Variants in PPP1R9A observed in about 807,000 individuals in gnomAD.
The protein encoded by PPP1R9A is neurabin-1.
Under a neutral mutation model 141.9 loss-of-function variants are expected in PPP1R9A, and 59 were observed. The ratio of observed to expected loss-of-function variants is 0.42; its 90% CI spans 0.34 to 0.52. The LOEUF is 0.52. PPP1R9A is among the 20% of genes least tolerant of loss of function. The probability of loss-of-function intolerance (pLI) is 0.10; values close to 1 mark genes in which losing one functional copy is unlikely to be tolerated. For synonymous variants in PPP1R9A, 500 were observed against 569.7 expected (o/e 0.88, Z 1.74); for missense variants, 1,444 against 1,611.9 (o/e 0.90, Z 1.78).
chr7:94,921,210 G>C (rs1158519003), intron 2 of PPP1R9A, among the ~76,000 whole-genome samples: 1 of 152,084 alleles, frequency 6.6e-6, no homozygotes, highest in East Asian at 1.9e-4. Flanking sequence ...ACTTTGGGAG[G>C]CTGTGGCGGG....
At chr7:95,231,945 T>A (rs1181892114) in intron 8 of PPP1R9A, among the ~76,000 whole-genome samples, 1 of 151,546 alleles carries the variant, frequency 6.6e-6, no homozygotes, top group East Asian at 1.9e-4. Flanking sequence ...ATAAATGAAA[T>A]AAAAAGCTGG....
chr7:95,053,064 T>C (rs1811031215), intron 2 of PPP1R9A, among the ~76,000 whole-genome samples: 1 of 152,168 alleles, frequency 6.6e-6, no homozygotes, highest in African/African-American at 2.4e-5. Flanking sequence ...CATGCTGCCT[T>C]CATGGAGCCT....
intron 2 of PPP1R9A, among the ~76,000 whole-genome samples, chr7:94,937,118 A>G (rs1275773555): frequency 6.6e-6 from 1 of 151,908 alleles, no homozygotes; most frequent in Non-Finnish European, 1.5e-5. Context: ...ATTATTTCCG[A>G]TGTTTTTGCT....
intron 2 of PPP1R9A, among the ~76,000 whole-genome samples, chr7:95,064,183 T>C (rs935464078): frequency 6.6e-6 from 1 of 152,198 alleles, no homozygotes; most frequent in Non-Finnish European, 1.5e-5. Flanking sequence ...ATTAGGTCCC[T>C]GCCAGCCTCT....
At chr7:95,265,475 A>T (rs968879189) in intron 12 of PPP1R9A, among the ~76,000 whole-genome samples, 1 of 152,198 alleles carries the variant, frequency 6.6e-6, no homozygotes, top group Non-Finnish European at 1.5e-5. Context: ...TACATGATGG[A>T]AAAAGATAGC....
At chr7:95,005,864 G>C (rs1192036598) in intron 2 of PPP1R9A, among the ~76,000 whole-genome samples, 2 of 151,852 alleles carry the variant, frequency 1.3e-5, no homozygotes, top group Non-Finnish European at 2.9e-5. Flanking sequence ...AAATTAATTA[G>C]CCTTTCCCTT....
At chr7:95,060,530 T>A (rs1812092805) in intron 2 of PPP1R9A, among the ~76,000 whole-genome samples, 1 of 152,200 alleles carries the variant, frequency 6.6e-6, no homozygotes, top group Admixed American at 6.5e-5. Context: ...TGAGTAGGAC[T>A]GTAAACTGAG....
intron 2 of PPP1R9A, among the ~76,000 whole-genome samples, chr7:94,951,358 G>T (rs1039706140): frequency 4.0e-5 from 6 of 151,736 alleles, no homozygotes; most frequent in Non-Finnish European, 8.8e-5. Context: ...ATGGCATTTG[G>T]TGTTAATTTT....
chr7:95,138,881 G>A (rs551173163), intron 4 of PPP1R9A, among the ~76,000 whole-genome samples: 6 of 152,272 alleles, frequency 3.9e-5, no homozygotes, highest in African/African-American at 9.6e-5. Flanking sequence ...GAAGTGAAAC[G>A]CTCCCTTATG....
intron 2 of PPP1R9A, among the ~76,000 whole-genome samples, chr7:95,084,917 T>TA (rs1816398297): frequency 6.6e-6 from 1 of 151,958 alleles, no homozygotes; most frequent in South Asian, 2.1e-4. Context: ...GAGCAAGTGT[T>TA]TCTCTGTGTT....
intron 4 of PPP1R9A, among the ~76,000 whole-genome samples, chr7:95,133,529 AT>A (rs2152537001): frequency 6.8e-6 from 1 of 147,890 alleles, no homozygotes; most frequent in Admixed American, 6.8e-5. Context: ...ATATATATAT[AT>A]ATATATATAT....
chr7:95,108,367 G>A (rs1296472529), intron 2 of PPP1R9A, among the ~76,000 whole-genome samples: 1 of 125,874 alleles, frequency 7.9e-6, no homozygotes, highest in East Asian at 2.5e-4. Flanking sequence ...AGGCTGGAGT[G>A]CAGTGGCGCG....
At chr7:95,028,591 G>A (rs545258234) in intron 2 of PPP1R9A, among the ~76,000 whole-genome samples, 166 of 152,296 alleles carry the variant, frequency 1.1e-3, no homozygotes, top group African/African-American at 3.9e-3. Context: ...AGGGCTAGAG[G>A]AAATAATGTG....
At chr7:95,149,340 A>C (rs1276351004) in intron 4 of PPP1R9A, among the ~76,000 whole-genome samples, 1 of 152,206 alleles carries the variant, frequency 6.6e-6, no homozygotes, top group Non-Finnish European at 1.5e-5. Context: ...TAGGAACTAG[A>C]CAATGATATC....
At chr7:95,061,343 T>C (rs1432011371) in intron 2 of PPP1R9A, among the ~76,000 whole-genome samples, 1 of 152,240 alleles carries the variant, frequency 6.6e-6, no homozygotes, top group Non-Finnish European at 1.5e-5. Flanking sequence ...TAAGTGATAT[T>C]CTAATTGCAG....
intron 2 of PPP1R9A, among the ~76,000 whole-genome samples, chr7:95,004,925 C>T (rs1012622451): frequency 9.9e-5 from 15 of 152,148 alleles, no homozygotes; most frequent in African/African-American, 3.4e-4. Context: ...TCGAATGTTT[C>T]CCTGTGGAAA....
At chr7:95,203,583 T>C in intron 6 of PPP1R9A, 82 bp from the exon 7 acceptor site, 1 of 1,004,572 alleles carries the variant, frequency 1.0e-6, no homozygotes, top group African/African-American at 1.6e-5. Context: ...GCACTGGGAC[T>C]CAGTGTTTTT....
At chr7:95,189,173 T>C (rs931704602) in intron 5 of PPP1R9A, among the ~76,000 whole-genome samples, 1 of 152,170 alleles carries the variant, frequency 6.6e-6, no homozygotes, top group Non-Finnish European at 1.5e-5. Flanking sequence ...TGGTAGGTTT[T>C]CCTTTATGTT....
rs185323724 is a variant in PPP1R9A at position 95,287,716 on chromosome 7, C to A, written c.3730-820C>A. Among the ~76,000 whole-genome samples the A allele has an allele frequency of 5.9e-5, 9 of 152,268 alleles. No individual in the cohort carries two copies. The East Asian group carries it at 1.7e-3, about 29-fold the overall frequency. ...CTTTTTTTGTTTTTTAAGACAGTCT[C>A]ACTCTGTTGCCCAGGCTGGAGTGCA... On this transcript the variant is annotated intron_variant, in intron 18 of 19. Coordinates refer to ENST00000433360, the MANE Select transcript of PPP1R9A (RefSeq NM_001166160.2).
Sources: gnomAD v4.1 joint callset for allele counts (sites outside exome capture counted in the v4.1 genomes callset) on GRCh38, gnomAD v4.1.1 for gene constraint, MANE v1.5 for transcripts, NCBI Gene and HGNC (gene_info 2026-07-23, HGNC 2026-07-21) for gene names.